P2RY14: variants seen among roughly 807,000 people sequenced by gnomAD.
P2RY14 encodes P2Y purinoceptor 14.
A neutral mutation model predicts 0.9 loss-of-function variants in P2RY14; 2 were observed. The ratio of observed to expected loss-of-function variants is 2.16; its 90% CI spans 0.88 to 6.79. P2RY14 has a LOEUF of 6.79. Among genes scored for constraint, P2RY14 ranks in the 30% most tolerant of loss-of-function variants. P2RY14 has a pLI of 0.05. For synonymous variants in P2RY14, 158 were observed against 147.2 expected, an observed-to-expected ratio of 1.07 and a Z score of -0.53; for missense variants, 378 against 400.1, an observed-to-expected ratio of 0.94 and a Z score of 0.47.
intron 1 of P2RY14, among the ~76,000 whole-genome samples, chr3:151,230,024 C>T (rs1286621499): frequency 6.6e-6 from 1 of 152,030 alleles, no homozygotes; most frequent in Non-Finnish European, 1.5e-5. Context: ...GGCTGGAGTG[C>T]AGTGGTGCGA....
Position 151,265,476 on chromosome 3 carries a change from T to C in P2RY14, c.-133+12811A>G, listed in dbSNP as rs1257463431. Among the ~76,000 whole-genome samples, 5 of 152,288 alleles carry C rather than the reference T, an allele frequency of 3.3e-5. No individual in the cohort carries two copies. The South Asian group carries it at 8.3e-4, about 25-fold the overall frequency. ...TTTGTGTCTTACACCATGAGAGCCT[T>C]TTCGAGTCTTTATTCTCAACTGCCC... On this transcript the variant is annotated intron_variant, in intron 1 of 2. Coordinates refer to ENST00000309170, the MANE Select transcript of P2RY14 (RefSeq NM_014879.4).
intron 1 of P2RY14, among the ~76,000 whole-genome samples, chr3:151,246,187 C>T (rs1735419004): frequency 6.6e-6 from 1 of 152,092 alleles, no homozygotes; most frequent in Non-Finnish European, 1.5e-5. Flanking sequence ...TGAAAATGGC[C>T]ATACTGCTCA....
chr3:151,239,266 C>A (rs1165184418), intron 1 of P2RY14, among the ~76,000 whole-genome samples: 1 of 152,158 alleles, frequency 6.6e-6, no homozygotes, highest in Non-Finnish European at 1.5e-5. Context: ...TTCAGTGTTA[C>A]AAAGTATAAA....
intron 1 of P2RY14, among the ~76,000 whole-genome samples, chr3:151,237,504 C>T (rs1266692423): frequency 5.3e-5 from 8 of 151,574 alleles, no homozygotes; most frequent in Non-Finnish European, 1.0e-4. Context: ...TGCCCGCCAC[C>T]ATGCCTGGCT....
At chr3:151,252,994 C>T (rs140083593) in intron 1 of P2RY14, among the ~76,000 whole-genome samples, 1 of 151,766 alleles carries the variant, frequency 6.6e-6, no homozygotes. Flanking sequence ...GGGAACTTGC[C>T]CTTAAAATAA....
intron 1 of P2RY14, among the ~76,000 whole-genome samples, chr3:151,247,784 A>AG (rs1735956943): frequency 1.3e-5 from 2 of 151,536 alleles, no homozygotes; most frequent in Non-Finnish European, 2.9e-5. Flanking sequence ...CAAAAAAAAA[A>AG]TGAATTAGGA....
At chr3:151,260,679 A>T (rs984933700) in intron 1 of P2RY14, among the ~76,000 whole-genome samples, 4 of 152,302 alleles carry the variant, frequency 2.6e-5, no homozygotes. Flanking sequence ...GACATTTTAC[A>T]TAAGTACAGC....
chr3:151,262,586 G>T (rs1333608062), intron 1 of P2RY14, among the ~76,000 whole-genome samples: 1 of 152,144 alleles, frequency 6.6e-6, no homozygotes, highest in East Asian at 1.9e-4. Context: ...GTTTGTATAT[G>T]TGTTTTTTAA....
In P2RY14 at chr3:151,213,260, AACATGCAC is replaced by A; in HGVS notation, c.*32_*39del. On this transcript the variant is annotated 3_prime_UTR_variant, in exon 3 of 3. Transcript: ENST00000309170. ...TTTCTGTTATGTAATTGAAGATGAC[AACATGCAC>A]ACGTGGTCTTTCTTTGGAAGAGGGT... 6.8e-7 allele frequency: 1 copy of A among 1,463,404 alleles called. No individual in the cohort carries two copies. Among genetic ancestry groups the A allele is most frequent in the Non-Finnish European group, 9.3e-7 (1 of 1,078,720 alleles). The allele number at this position is 1,463,404 out of a possible 1,614,324, so 90.7% of individuals were successfully genotyped here. A position where few individuals can be genotyped will look rare whatever the true frequency, so the allele number is the denominator to read the frequency against.
intron 1 of P2RY14, chr3:151,269,611 G>T: frequency 2.9e-6 from 1 of 349,958 alleles, no homozygotes; most frequent in South Asian, 2.7e-5. Context: ...ATTACTTGGG[G>T]AGGAAGACAA....
intron 1 of P2RY14, among the ~76,000 whole-genome samples, chr3:151,276,385 T>C (rs1050249806): frequency 6.6e-6 from 1 of 152,230 alleles, no homozygotes; most frequent in Non-Finnish European, 1.5e-5. Flanking sequence ...AAGGAAACAC[T>C]CCTTATTGTC....
At chr3:151,251,209 A>C (rs1453968104) in intron 1 of P2RY14, among the ~76,000 whole-genome samples, 1 of 151,796 alleles carries the variant, frequency 6.6e-6, no homozygotes, top group Non-Finnish European at 1.5e-5. Context: ...ACCACCTTGC[A>C]CCTCTGTACA....
At chr3:151,265,720 G>A (rs531502355) in intron 1 of P2RY14, among the ~76,000 whole-genome samples, 5 of 152,222 alleles carry the variant, frequency 3.3e-5, no homozygotes, top group Middle Eastern at 3.4e-3. Flanking sequence ...CCAGGGAGAC[G>A]GATGGTGTCC....
At chr3:151,267,406 A>G (rs1740044289) in intron 1 of P2RY14, among the ~76,000 whole-genome samples, 1 of 152,210 alleles carries the variant, frequency 6.6e-6, no homozygotes, top group Non-Finnish European at 1.5e-5. Flanking sequence ...TTAGAAAGAA[A>G]CAATATCAAG....
rs142366615 is a variant in P2RY14 at position 151,213,021 on chromosome 3, C to A, written c.*279G>T. The stretch of plus-strand genomic sequence containing the variant: ...AACTGACCAGACTAGTGGTTATAAA[C>A]TTTAACTTATTTTAATATAATAGAA... On this transcript the variant is annotated 3_prime_UTR_variant, in exon 3 of 3. Transcript: ENST00000309170. 74 of 191,852 alleles carry A rather than the reference C, an allele frequency of 3.9e-4. No homozygotes were observed. Among genetic ancestry groups the A allele is most frequent in the African/African-American group, 1.7e-3 (71 of 42,832 alleles). 11.9% of individuals were successfully genotyped at this position (191,852 alleles called of 1,614,324 possible). A position where few individuals can be genotyped will look rare whatever the true frequency, so the allele number is the denominator to read the frequency against.
At chr3:151,260,759 TAAA>T (rs1341642304) in intron 1 of P2RY14, among the ~76,000 whole-genome samples, 1 of 152,242 alleles carries the variant, frequency 6.6e-6, no homozygotes, top group African/African-American at 2.4e-5. Context: ...ACCTAGTCTT[TAAA>T]AGGTAAATAA....
At chr3:151,227,559 C>A (rs1418382762) in intron 1 of P2RY14, among the ~76,000 whole-genome samples, 1 of 152,222 alleles carries the variant, frequency 6.6e-6, no homozygotes. Flanking sequence ...TGTCTAAGAA[C>A]TCCAGCCTGT....
At chr3:151,250,710 A>G (rs1323216564) in intron 1 of P2RY14, among the ~76,000 whole-genome samples, 4 of 152,200 alleles carry the variant, frequency 2.6e-5, no homozygotes, top group African/African-American at 9.6e-5. Context: ...GCTATTGTGA[A>G]CAATGCTGCT....
intron 1 of P2RY14, among the ~76,000 whole-genome samples, chr3:151,236,951 G>A (rs1343205523): frequency 6.6e-6 from 1 of 151,914 alleles, no homozygotes; most frequent in Non-Finnish European, 1.5e-5. Context: ...GCCTATTGAT[G>A]GACATTTGAA....
Sources: gnomAD v4.1 joint callset for allele counts (sites outside exome capture counted in the v4.1 genomes callset) on GRCh38, gnomAD v4.1.1 for gene constraint, MANE v1.5 for transcripts, NCBI Gene and HGNC (gene_info 2026-07-23, HGNC 2026-07-21) for gene names.